Variants in PAX3 observed in about 807,000 individuals in gnomAD.
PAX3 encodes paired box protein Pax-3.
In PAX3, 14 loss-of-function variants were observed where a neutral mutation model predicts 51.6. The observed-to-expected ratio is 0.27, with a 90% confidence interval of 0.18 to 0.42. PAX3 has a LOEUF of 0.42. PAX3 is among the 10% of genes least tolerant of loss of function. The pLI, the probability that PAX3 is intolerant of heterozygous loss-of-function variation, is 1.00. For synonymous variants in PAX3, 280 were observed against 253.4 expected, an observed-to-expected ratio of 1.11 and a Z score of -1.00; for missense variants, 540 against 642.8, an observed-to-expected ratio of 0.84 and a Z score of 1.73.
rs151004425 is a variant in PAX3 at position 222,257,253 on chromosome 2, C to T, written c.587-24970G>A. On this transcript the variant is annotated intron_variant, in intron 4 of 8. Coordinates refer to ENST00000392070, the MANE Select transcript of PAX3 (RefSeq NM_181458.4). ...ATAAGTTTCTGTTCCTTCACACTCA[C>T]TTACTATTGAAATTTACCATTATGT... 2.2e-3 allele frequency among the ~76,000 whole-genome samples: 332 copies of T among 151,910 alleles called. 3 individuals carry two copies. The highest frequency in any genetic ancestry group is 7.9e-3 in the African/African-American group (327 of 41,420).
At chr2:222,238,554 CTA>C (rs1692885770) in intron 4 of PAX3, among the ~76,000 whole-genome samples, 1 of 152,136 alleles carries the variant, frequency 6.6e-6, no homozygotes, top group Admixed American at 6.5e-5. Context: ...CATTTAAATT[CTA>C]TGTTTGCCCT....
chr2:222,233,268 G>C (rs747999233), intron 4 of PAX3, among the ~76,000 whole-genome samples: 2 of 152,104 alleles, frequency 1.3e-5, no homozygotes, highest in Non-Finnish European at 2.9e-5. Context: ...CACAAAACTT[G>C]TGTGTATTTG....
rs192506319 is a variant in PAX3, at chr2:222,234,072, A to T, written c.587-1789T>A. ...AACTGCCCCAAATGGTACACATCCA[A>T]AATGAACCCATAAATGTGATTTTCA... is the stretch of plus-strand genomic sequence containing the variant. On this transcript the variant is annotated intron_variant, in intron 4 of 8. Transcript: ENST00000392070. Among the ~76,000 whole-genome samples, 219 of 152,346 alleles carry T rather than the reference A, an allele frequency of 1.4e-3. 1 individual carries two copies. Among genetic ancestry groups the T allele is most frequent in the African/African-American group, 5.1e-3 (214 of 41,576 alleles).
intron 5 of PAX3, among the ~76,000 whole-genome samples, chr2:222,225,418 A>C (rs1692348091): frequency 6.6e-6 from 1 of 152,218 alleles, no homozygotes; most frequent in South Asian, 2.1e-4. Flanking sequence ...ACTAGGAAAA[A>C]AAGATAATAA....
intron 4 of PAX3, among the ~76,000 whole-genome samples, chr2:222,271,614 T>C (rs528079045): frequency 5.3e-5 from 8 of 152,340 alleles, no homozygotes; most frequent in African/African-American, 1.9e-4. Context: ...AATAAGGCAA[T>C]GTGCCTTGAT....
At chr2:222,298,210 C>A (rs1695408373) in intron 1 of PAX3, 1 of 407,016 alleles carries the variant, frequency 2.5e-6, no homozygotes, top group Non-Finnish European at 4.5e-6. Flanking sequence ...GGACAAATTG[C>A]GGAGAAGTTG....
At chr2:222,205,927 A>T (rs1420645171) in intron 7 of PAX3, among the ~76,000 whole-genome samples, 3 of 152,208 alleles carry the variant, frequency 2.0e-5, no homozygotes, top group Non-Finnish European at 4.4e-5. Context: ...CTTTGAACTT[A>T]TCCAATATGG....
chr2:222,251,211 T>G (rs900949828), intron 4 of PAX3, among the ~76,000 whole-genome samples: 4 of 152,132 alleles, frequency 2.6e-5, no homozygotes, highest in Non-Finnish European at 5.9e-5. Context: ...CCATTAACTC[T>G]TCATTTAACA....
At chr2:222,218,246 C>T (rs1692044452) in intron 7 of PAX3, among the ~76,000 whole-genome samples, 1 of 152,080 alleles carries the variant, frequency 6.6e-6, no homozygotes, top group African/African-American at 2.4e-5. Flanking sequence ...AGAATCATAG[C>T]CAGGCTTCTT....
At chr2:222,243,446 A>G (rs1693094546) in intron 4 of PAX3, among the ~76,000 whole-genome samples, 1 of 152,230 alleles carries the variant, frequency 6.6e-6, no homozygotes, top group African/African-American at 2.4e-5. Context: ...AAATATGAAT[A>G]ATATATGGAG....
At chr2:222,271,804 G>A (rs1381132525) in intron 4 of PAX3, among the ~76,000 whole-genome samples, 1 of 152,116 alleles carries the variant, frequency 6.6e-6, no homozygotes, top group African/African-American at 2.4e-5. Context: ...CCTCCTCCTA[G>A]CTACCTTCCC....
At chr2:222,222,002 T>A (rs1021384153) in intron 5 of PAX3, among the ~76,000 whole-genome samples, 3 of 152,164 alleles carry the variant, frequency 2.0e-5, no homozygotes, top group African/African-American at 7.2e-5. Context: ...AGCCTTTTTT[T>A]ATCTAAAATA....
In PAX3 at chr2:222,207,883, G is replaced by GT. The variant is rs571066323; in HGVS notation, c.1174-5694dup. Among the ~76,000 whole-genome samples, 163 of 151,644 alleles carry GT rather than the reference G, an allele frequency of 1.1e-3. 2 individuals are homozygous for GT. The highest frequency in any genetic ancestry group is 3.3e-3 in the African/African-American group (138 of 41,354). ...TAACATTTAATATGCACATTTAGTT[G>GT]TTTTTTTAAAAAACCATTGTGAATT... On this transcript the variant is annotated intron_variant, in intron 7 of 8. Coordinates refer to ENST00000392070, the MANE Select transcript of PAX3 (RefSeq NM_181458.4).
At chr2:222,276,604 C>T (rs566330285) in intron 4 of PAX3, among the ~76,000 whole-genome samples, 5 of 152,320 alleles carry the variant, frequency 3.3e-5, no homozygotes, top group African/African-American at 1.2e-4. Context: ...TCACCTCGCC[C>T]AGAGCTTCCA....
intron 4 of PAX3, among the ~76,000 whole-genome samples, chr2:222,257,206 A>C (rs899471144): frequency 6.6e-4 from 98 of 149,272 alleles, no homozygotes; most frequent in African/African-American, 2.3e-3. Flanking sequence ...ATGGCTCAGC[A>C]TTTTTTTTTT....
intron 4 of PAX3, among the ~76,000 whole-genome samples, chr2:222,244,762 G>C (rs867309315): frequency 2.7e-4 from 40 of 149,464 alleles, no homozygotes; most frequent in African/African-American, 9.7e-4. Context: ...AAGATATTCA[G>C]CTCTTGCTCA....
At chr2:222,245,337 G>A (rs367685356) in intron 4 of PAX3, among the ~76,000 whole-genome samples, 132 of 152,258 alleles carry the variant, frequency 8.7e-4, no homozygotes, top group African/African-American at 3.1e-3. Flanking sequence ...GAATATATTT[G>A]CTTGGAGGCA....
At chr2:222,240,802 C>T (rs1253223241) in intron 4 of PAX3, among the ~76,000 whole-genome samples, 5 of 152,160 alleles carry the variant, frequency 3.3e-5, no homozygotes, top group African/African-American at 1.2e-4. Flanking sequence ...ATTCCTTTTA[C>T]AACACGAATG....
chr2:222,285,417 A>T (rs1366451499), intron 4 of PAX3, among the ~76,000 whole-genome samples: 1 of 152,240 alleles, frequency 6.6e-6, no homozygotes, highest in African/African-American at 2.4e-5. Context: ...TGAACTGGGT[A>T]AGTTATGCCG....
Sources: gnomAD v4.1 joint callset for allele counts (sites outside exome capture counted in the v4.1 genomes callset) on GRCh38, gnomAD v4.1.1 for gene constraint, MANE v1.5 for transcripts, NCBI Gene and HGNC (gene_info 2026-07-23, HGNC 2026-07-21) for gene names.